Variants in ADAMTS14 observed in about 807,000 individuals in gnomAD.
ADAMTS14 encodes the protein ADAM metallopeptidase with thrombospondin type 1 motif 14.
In ADAMTS14, 100 loss-of-function variants were observed where a neutral mutation model predicts 128.6. That is an observed-to-expected ratio of 0.78 (90% CI 0.66 to 0.92). The LOEUF is 0.92. ADAMTS14 is among the 40% of genes least tolerant of loss of function. ADAMTS14 has a pLI of 0.00. For missense variants in ADAMTS14, 1,562 were observed against 1,658.6 expected (o/e 0.94, Z 1.01); for synonymous variants, 665 against 653.8 (o/e 1.02, Z -0.26).
Position 70,753,795 on chromosome 10 carries a change from T to C in ADAMTS14, c.2730-5T>C. On this transcript the variant is annotated splice_region_variant and splice_polypyrimidine_tract_variant and intron_variant, in intron 18 of 21. Transcript: ENST00000373207. ...TCACCTCCTCTCCTTTCACCCTGTT[T>C]CCAGGTGGGTGACGGAGGAGTGGGG... 2 of 1,565,428 alleles carry C rather than the reference T, an allele frequency of 1.3e-6. No homozygotes were observed. Among genetic ancestry groups the C allele is most frequent in the Non-Finnish European group, 1.7e-6 (2 of 1,153,684 alleles).
rs945512851 is a variant in ADAMTS14 at position 70,743,582 on chromosome 10, G to C, written c.1959G>C (p.Ala653=). Residue 653 remains alanine, a synonymous_variant, in exon 13 of 22, where the codon GCG becomes GCC. Coordinates refer to ENST00000373207, the MANE Select transcript of ADAMTS14 (RefSeq NM_080722.4). ...AQKCELICQS[A]DTGDVVFMNQ... ...AGTGTGAGCTGATCTGCCAGTCGGC[G>C]GACACGGGGGACGTGGTGTTCATGA... The C allele has an allele frequency of 6.2e-7, 1 of 1,612,704 alleles. No individual in the cohort carries two copies. Among genetic ancestry groups the C allele is most frequent in the Non-Finnish European group, 8.5e-7 (1 of 1,179,682 alleles).
chr10:70,678,609 T>A (rs1839713748), intron 2 of ADAMTS14, among the ~76,000 whole-genome samples: 1 of 151,756 alleles, frequency 6.6e-6, no homozygotes, highest in Non-Finnish European at 1.5e-5. Context: ...GCAGGGGGGC[T>A]TGGTCTGACC....
At position 70,674,558 on chromosome 10, in the gene ADAMTS14, C is replaced by G. The variant is rs1457724883; in HGVS notation, c.85C>G (p.Leu29Val). 2 of 1,609,520 alleles carry G rather than the reference C, an allele frequency of 1.2e-6. No individual in the cohort carries two copies. Among genetic ancestry groups the G allele is most frequent in the Admixed American group, 3.3e-5 (2 of 59,948 alleles). The change falls in exon 2 of 22, where the codon CTG (leucine) becomes GTG (valine). Residue 29 changes from leucine (L) to valine (V), a missense_variant and splice_region_variant. By Grantham distance (32) the Leu-to-Val change is conservative. Transcript: ENST00000373207. ...CAAAGSRTPELHLSGKLSDYG... is the reference protein window; with the variant it reads ...CAAAGSRTPEVHLSGKLSDYG... ...GACTCTTTGTTTACCTCCAACAGAG[C>G]TGCACCTCTCTGGAAAGCTCAGTGA...
At chr10:70,747,687 G>GTGCGGGCT (rs1398511657) in intron 15 of ADAMTS14, among the ~76,000 whole-genome samples, 1 of 152,252 alleles carries the variant, frequency 6.6e-6, no homozygotes, top group African/African-American at 2.4e-5. Context: ...GGCAGGCCGA[G>GTGCGGGCT]TGCGGGCTTG....
At chr10:70,693,970 C>G (rs1269487774) in intron 2 of ADAMTS14, among the ~76,000 whole-genome samples, 1 of 152,244 alleles carries the variant, frequency 6.6e-6, no homozygotes, top group Non-Finnish European at 1.5e-5. Context: ...AGTCTGGCAG[C>G]TTTCAGCCCC....
chr10:70,750,110 C>T (rs1589337711), intron 16 of ADAMTS14, 125 bp downstream of exon 16: 1 of 1,257,022 alleles, frequency 8.0e-7, no homozygotes, highest in Non-Finnish European at 1.1e-6. Context: ...AAGGGCAAGG[C>T]ACCTTCCATC....
chr10:70,715,002 G>C (rs72814565), intron 4 of ADAMTS14, among the ~76,000 whole-genome samples: 20,250 of 148,312 alleles, frequency 0.14, 1,887 homozygotes, highest in Middle Eastern at 0.24. Context: ...TATATTCTTA[G>C]CTTAATAGGG....
At chr10:70,673,753 T>TCA (rs150400788) in intron 1 of ADAMTS14, among the ~76,000 whole-genome samples, 9,617 of 152,100 alleles carry the variant, frequency 0.063, 965 homozygotes, top group African/African-American at 0.22. Flanking sequence ...CATTCATGAA[T>TCA]CACCAGGCCT....
At chr10:70,758,780 C>T (rs12413960) in intron 21 of ADAMTS14, among the ~76,000 whole-genome samples, 34,071 of 152,076 alleles carry the variant, frequency 0.22, 3,962 homozygotes, top group Admixed American at 0.28. Flanking sequence ...TCCTGTCTGG[C>T]TGTCAGCTTC....
intron 10 of ADAMTS14, 64 bp from the exon 11 acceptor site, chr10:70,738,778 G>C (rs1841904537): frequency 6.2e-7 from 1 of 1,605,162 alleles, no homozygotes; most frequent in African/African-American, 1.3e-5. Flanking sequence ...CCCTTTTTCT[G>C]GCTCCCCGGG....
At chr10:70,714,101 G>A (rs1840943263) in intron 4 of ADAMTS14, among the ~76,000 whole-genome samples, 2 of 152,188 alleles carry the variant, frequency 1.3e-5, no homozygotes, top group South Asian at 4.1e-4. Context: ...GTTGAGGTGG[G>A]AGGATCGCTG....
chr10:70,730,730 G>C (rs1489567136), intron 6 of ADAMTS14, among the ~76,000 whole-genome samples: 1 of 152,158 alleles, frequency 6.6e-6, no homozygotes, highest in African/African-American at 2.4e-5. Flanking sequence ...GTGGAATGGG[G>C]AACATCATAA....
chr10:70,684,188 T>A (rs1244994388), intron 2 of ADAMTS14, among the ~76,000 whole-genome samples: 1 of 151,684 alleles, frequency 6.6e-6, no homozygotes, highest in Non-Finnish European at 1.5e-5. Flanking sequence ...AACAACCAGA[T>A]CTCATTCACT....
intron 1 of ADAMTS14, among the ~76,000 whole-genome samples, chr10:70,674,301 T>G (rs540573413): frequency 2.6e-5 from 4 of 152,308 alleles, no homozygotes; most frequent in Non-Finnish European, 5.9e-5. Flanking sequence ...TGGTATCATT[T>G]GCTTTCTTCT....
chr10:70,751,422 G>T, intron 16 of ADAMTS14, 56 bp from the exon 17 acceptor site: 1 of 1,551,528 alleles, frequency 6.4e-7, no homozygotes, highest in South Asian at 1.1e-5. Flanking sequence ...CCCTCCCAGT[G>T]CATGCCGCCC....
chr10:70,694,413 A>G (rs900190314), intron 2 of ADAMTS14, among the ~76,000 whole-genome samples: 2 of 152,204 alleles, frequency 1.3e-5, no homozygotes, highest in Non-Finnish European at 2.9e-5. Context: ...AAAATATGCA[A>G]TTCAGTGGTT....
At chr10:70,726,461 T>A (rs187831711) in intron 4 of ADAMTS14, among the ~76,000 whole-genome samples, 96 of 152,342 alleles carry the variant, frequency 6.3e-4, no homozygotes, top group African/African-American at 2.3e-3. Context: ...AATGTCCCAG[T>A]GACTCCTTTC....
At chr10:70,731,409 C>T (rs61852886) in intron 6 of ADAMTS14, among the ~76,000 whole-genome samples, 2,907 of 152,304 alleles carry the variant, frequency 0.019, 37 homozygotes, top group South Asian at 0.036. Flanking sequence ...AATAAAAGAA[C>T]ATTTCAGCTC....
intron 3 of ADAMTS14, among the ~76,000 whole-genome samples, chr10:70,705,933 G>A (rs1840651168): frequency 6.6e-6 from 1 of 152,204 alleles, no homozygotes; most frequent in South Asian, 2.1e-4. Context: ...CAATTCTCTT[G>A]AGTACATACT....
Sources: gnomAD v4.1 joint callset for allele counts (sites outside exome capture counted in the v4.1 genomes callset) on GRCh38, gnomAD v4.1.1 for gene constraint, MANE v1.5 for transcripts, NCBI Gene and HGNC (gene_info 2026-07-23, HGNC 2026-07-21) for gene names.